The following ANKFN1 variants were observed in gnomAD, a reference collection of about 807,000 sequenced individuals.
ANKFN1 encodes ankyrin repeat and fibronectin type-III domain-containing protein 1.
In ANKFN1, 74 loss-of-function variants were observed where a neutral mutation model predicts 108.7. The observed-to-expected ratio is 0.68, with a 90% CI of 0.56 to 0.83. ANKFN1 has a LOEUF of 0.83. ANKFN1 is among the 40% of genes least tolerant of loss of function. The pLI, the probability that ANKFN1 is intolerant of heterozygous loss-of-function variation, is 0.00. For synonymous variants in ANKFN1, 547 were observed against 516.2 expected (o/e 1.06, Z -0.81); for missense variants, 1,505 against 1,382.3 (o/e 1.09, Z -1.41).
chr17:56,123,793 GAT>G (rs1491262552), intron 4 of ANKFN1, among the ~76,000 whole-genome samples: 1 of 129,184 alleles, frequency 7.7e-6, no homozygotes, highest in East Asian at 2.1e-4. Context: ...GTGCATGACT[GAT>G]TGTGTGTGTG....
At chr17:56,170,768 A>AAT (rs200328473) in intron 1 of ANKFN1, among the ~76,000 whole-genome samples, 1,159 of 104,482 alleles carry the variant, frequency 0.011, 16 homozygotes, top group East Asian at 0.064. Flanking sequence ...GTCAAGAAAA[A>AAT]ATTTTTTATA....
At chr17:56,076,514 T>C (rs1307827247) in intron 4 of ANKFN1, among the ~76,000 whole-genome samples, 1 of 152,216 alleles carries the variant, frequency 6.6e-6, no homozygotes, top group Non-Finnish European at 1.5e-5. Context: ...ATGGGGGCAC[T>C]ACATGGGGAT....
chr17:56,384,339 A>C (rs1364189546), intron 8 of ANKFN1, among the ~76,000 whole-genome samples: 1 of 150,522 alleles, frequency 6.6e-6, no homozygotes, highest in Non-Finnish European at 1.5e-5. Flanking sequence ...CAAAATAATA[A>C]GAGCTATCTA....
chr17:56,514,401 A>G lies in ANKFN1; in HGVS notation c.*3132A>G, dbSNP rs536386306. On this transcript the variant is annotated 3_prime_UTR_variant, in exon 21 of 21. Coordinates refer to ENST00000682825, the MANE Select transcript of ANKFN1 (RefSeq NM_001370326.1). ...AGAAGAGGCAGGAGCCTGTCTCCTC[A>G]GCCAGGCAGACATAGTGCATGTTGG... Among the ~76,000 whole-genome samples the G allele has an allele frequency of 2.8e-4, 43 of 152,240 alleles. No individual in the cohort carries two copies. The highest frequency in any genetic ancestry group is 5.7e-4 in the Non-Finnish European group (39 of 68,040).
At chr17:56,318,153 T>A (rs2045261317) in intron 3 of ANKFN1, among the ~76,000 whole-genome samples, 3 of 152,192 alleles carry the variant, frequency 2.0e-5, no homozygotes. Context: ...GGCCTGCCTC[T>A]GCAATTAACC....
intron 1 of ANKFN1, among the ~76,000 whole-genome samples, chr17:56,158,511 G>A (rs563034835): frequency 6.6e-6 from 1 of 152,320 alleles, no homozygotes; most frequent in South Asian, 2.1e-4. Flanking sequence ...AGTGCTAGCA[G>A]CCTTCATTAA....
Position 56,374,689 on chromosome 17 carries a change from T to A in ANKFN1, c.885T>A (p.Asn295Lys). The stretch of plus-strand genomic sequence containing the variant: ...GCTTCCAAGAGCCTCTTAGCGTCAA[T>A]GCAGCTGTAGTAACCAGGTATAAAG... ...TVSFQEPLSV[N>K]AAVVTRYKVE... The change falls in exon 8 of 21, where the codon AAT (asparagine) becomes AAA (lysine). Residue 295 changes from asparagine to lysine, a missense_variant. Physicochemically the swap from Asn to Lys is moderately conservative, Grantham distance 94. Coordinates refer to ENST00000682825, the MANE Select transcript of ANKFN1 (RefSeq NM_001370326.1). The A allele has an allele frequency of 1.2e-6, 2 of 1,613,804 alleles. No homozygotes were observed. The highest frequency in any genetic ancestry group is 1.1e-5 in the South Asian group (1 of 91,068).
chr17:56,318,525 A>G (rs1325485407), intron 3 of ANKFN1, among the ~76,000 whole-genome samples: 1 of 152,168 alleles, frequency 6.6e-6, no homozygotes, highest in Non-Finnish European at 1.5e-5. Flanking sequence ...TCCTGCCCTC[A>G]TGGAGATTTC....
chr17:56,271,899 G>A (rs1047703086), intron 3 of ANKFN1, among the ~76,000 whole-genome samples: 1 of 152,176 alleles, frequency 6.6e-6, no homozygotes, highest in Admixed American at 6.5e-5. Context: ...AAATGGGCAT[G>A]ATAGCAGCAT....
intron 4 of ANKFN1, among the ~76,000 whole-genome samples, chr17:56,339,151 AT>A (rs1360895569): frequency 4.1e-5 from 6 of 147,770 alleles, no homozygotes; most frequent in African/African-American, 1.4e-4. Flanking sequence ...TTTTGATGCT[AT>A]TGTAAATTAA....
At chr17:56,047,484 G>A (rs1486436279) in intron 4 of ANKFN1, among the ~76,000 whole-genome samples, 7 of 152,192 alleles carry the variant, frequency 4.6e-5, no homozygotes, top group Non-Finnish European at 7.3e-5. Flanking sequence ...CAGGAGTGGC[G>A]TGGTTGGCTG....
chr17:56,482,220 TA>T, intron 17 of ANKFN1, 135 bp from the exon 18 acceptor site: 1 of 747,814 alleles, frequency 1.3e-6, no homozygotes, highest in Non-Finnish European at 2.1e-6. Context: ...GGCTGAACCC[TA>T]ATATTTATGT....
At chr17:56,388,539 C>T (rs764538475) in intron 8 of ANKFN1, among the ~76,000 whole-genome samples, 2 of 152,166 alleles carry the variant, frequency 1.3e-5, no homozygotes, top group Admixed American at 6.5e-5. Flanking sequence ...CTCAACATAG[C>T]TATATTTCTA....
chr17:56,332,979 G>GTGTATATATATATATATATA (rs570574404), intron 4 of ANKFN1, among the ~76,000 whole-genome samples: 1 of 147,744 alleles, frequency 6.8e-6, no homozygotes, highest in African/African-American at 2.5e-5. Flanking sequence ...ATATATGTGT[G>GTGTATATATATATATATATA]TATATATATA....
intron 4 of ANKFN1, among the ~76,000 whole-genome samples, chr17:56,134,976 G>C (rs1413047841): frequency 2.0e-5 from 3 of 152,034 alleles, no homozygotes; most frequent in African/African-American, 4.8e-5. Context: ...TTTCCTGAAG[G>C]CTGAATCTTC....
intron 2 of ANKFN1, among the ~76,000 whole-genome samples, chr17:56,217,087 A>G (rs1444290217): frequency 6.6e-6 from 1 of 152,200 alleles, no homozygotes. Context: ...AGGACAAGGG[A>G]GGAATCTTAC....
At chr17:56,358,707 A>G (rs1409535029) in intron 6 of ANKFN1, among the ~76,000 whole-genome samples, 1 of 152,178 alleles carries the variant, frequency 6.6e-6, no homozygotes, top group Admixed American at 6.6e-5. Context: ...CAACCACTGA[A>G]TCTGAAAGGA....
At chr17:56,231,406 A>C (rs1916725441) in intron 3 of ANKFN1, among the ~76,000 whole-genome samples, 3 of 152,160 alleles carry the variant, frequency 2.0e-5, no homozygotes, top group African/African-American at 4.8e-5. Context: ...AAAGCAGTAC[A>C]GGGATGTAGC....
upstream of ANKFN1, among the ~76,000 whole-genome samples, chr17:56,150,170 G>A (rs1331192427): frequency 3.3e-5 from 5 of 152,296 alleles, no homozygotes; most frequent in Admixed American, 6.5e-5. Flanking sequence ...TAGGGCAAAG[G>A]TCACAAAGTG....
Sources: gnomAD v4.1 joint callset for allele counts (sites outside exome capture counted in the v4.1 genomes callset) on GRCh38, gnomAD v4.1.1 for gene constraint, MANE v1.5 for transcripts, NCBI Gene and HGNC (gene_info 2026-07-23, HGNC 2026-07-21) for gene names.